ULK4: variants seen among roughly 807,000 people sequenced by gnomAD.
ULK4 encodes unc-51 like kinase 4.
In ULK4, 133 loss-of-function variants were observed where a neutral mutation model predicts 160.6. That is an observed-to-expected ratio of 0.83 (90% CI 0.72 to 0.96). ULK4 has a LOEUF of 0.96. Ranked by LOEUF, ULK4 falls within the 40% of genes least tolerant of loss-of-function variation. ULK4 has a pLI of 0.00. For missense variants in ULK4, 1,580 were observed against 1,499.5 expected, an observed-to-expected ratio of 1.05 and a Z score of -0.89; for synonymous variants, 534 against 539.8, an observed-to-expected ratio of 0.99 and a Z score of 0.15.
At chr3:41,828,018 C>T (rs2041429145) in intron 18 of ULK4, among the ~76,000 whole-genome samples, 1 of 151,948 alleles carries the variant, frequency 6.6e-6, no homozygotes, top group South Asian at 2.1e-4. Context: ...TCAACATAAT[C>T]CAGCATATAA....
intron 30 of ULK4, among the ~76,000 whole-genome samples, chr3:41,630,559 C>T (rs2033700610): frequency 6.6e-6 from 1 of 152,200 alleles, no homozygotes; most frequent in Non-Finnish European, 1.5e-5. Context: ...GTCAGGCCCA[C>T]CCAGATAATC....
At chr3:41,724,121 T>G (rs975720721) in intron 22 of ULK4, among the ~76,000 whole-genome samples, 2 of 152,256 alleles carry the variant, frequency 1.3e-5, no homozygotes, top group Non-Finnish European at 2.9e-5. Context: ...TTATCTGTTC[T>G]ACATTTATGT....
At chr3:41,692,324 T>C (rs2036333486) in intron 27 of ULK4, among the ~76,000 whole-genome samples, 1 of 152,052 alleles carries the variant, frequency 6.6e-6, no homozygotes, top group Non-Finnish European at 1.5e-5. Flanking sequence ...AGCAAACATG[T>C]TCTAAACCTT....
chr3:41,642,236 C>T (rs548421817), intron 30 of ULK4, among the ~76,000 whole-genome samples: 20 of 152,032 alleles, frequency 1.3e-4, no homozygotes, highest in South Asian at 1.0e-3. Flanking sequence ...ATGTGCACAA[C>T]GTGCAGGTTT....
rs7633178 is a variant in ULK4, at chr3:41,847,399, C to T, written c.1657-11428G>A. Among the ~76,000 whole-genome samples, 37 of 152,162 alleles carry T rather than the reference C, an allele frequency of 2.4e-4. No individual in the cohort carries two copies. The South Asian group carries it at 7.5e-3, about 31-fold the overall frequency. ...ATACAATTACAGTTACAAAAAGAAA[C>T]TGAATTAATCTCCTGACTCAGAAAA... On this transcript the variant is annotated intron_variant, in intron 17 of 36. Coordinates refer to ENST00000301831, the MANE Select transcript of ULK4 (RefSeq NM_017886.4).
chr3:41,688,619 T>C (rs7624877), intron 27 of ULK4, among the ~76,000 whole-genome samples: 24,227 of 147,082 alleles, frequency 0.16, 4,835 homozygotes, highest in African/African-American at 0.53. Context: ...CAAAACAAAA[T>C]CTGATTTGTT....
intron 11 of ULK4, 72 bp downstream of exon 11, chr3:41,911,245 C>T: frequency 2.7e-6 from 4 of 1,455,080 alleles, no homozygotes; most frequent in Non-Finnish European, 3.8e-6. Flanking sequence ...AAAGTTTGCA[C>T]CAAGATAGCA....
At chr3:41,904,416 T>G (rs1698480405) in intron 12 of ULK4, among the ~76,000 whole-genome samples, 2 of 151,864 alleles carry the variant, frequency 1.3e-5, no homozygotes, top group East Asian at 1.9e-4. Flanking sequence ...GTCACAGGAG[T>G]GAGGCTCTGT....
rs1223489944 is a variant in ULK4, at chr3:41,551,105, C to CAT, written c.3226+14919_3226+14920insAT. On this transcript the variant is annotated intron_variant, in intron 32 of 36. Transcript: ENST00000301831. ...GAAACAAATGATAATTGAAATACAA[C>CAT]ACACCAAAACATATGGGATACAACA... is the stretch of plus-strand genomic sequence containing the variant. Among the ~76,000 whole-genome samples, 400 of 151,774 alleles carry CAT rather than the reference C, an allele frequency of 2.6e-3. 1 individual carries two copies. The highest frequency in any genetic ancestry group is 8.8e-3 in the African/African-American group (363 of 41,474).
intron 21 of ULK4, among the ~76,000 whole-genome samples, chr3:41,770,418 T>C (rs1001927954): frequency 4.6e-5 from 7 of 152,284 alleles, no homozygotes; most frequent in Middle Eastern, 3.4e-3. Flanking sequence ...TTGTTACTCC[T>C]TCACATCCAT....
intron 22 of ULK4, among the ~76,000 whole-genome samples, chr3:41,720,163 T>G (rs2037401222): frequency 6.6e-6 from 1 of 152,284 alleles, no homozygotes; most frequent in South Asian, 2.1e-4. Flanking sequence ...GTCACCCCAG[T>G]AAACTTAAAA....
intron 35 of ULK4, among the ~76,000 whole-genome samples, chr3:41,272,401 T>TC (rs1048047149): frequency 4.2e-5 from 6 of 143,480 alleles, no homozygotes; most frequent in African/African-American, 1.0e-4. Flanking sequence ...GACAGTTTCT[T>TC]CCCCCCTCAC....
At chr3:41,357,735 G>A (rs932400141) in intron 35 of ULK4, among the ~76,000 whole-genome samples, 1 of 152,174 alleles carries the variant, frequency 6.6e-6, no homozygotes, top group Non-Finnish European at 1.5e-5. Context: ...ATCTGATGCT[G>A]TCCCCTCCCA....
At chr3:41,535,529 G>T (rs2086468258) in intron 32 of ULK4, among the ~76,000 whole-genome samples, 3 of 152,184 alleles carry the variant, frequency 2.0e-5, no homozygotes, top group Admixed American at 1.3e-4. Flanking sequence ...AATACTGTAT[G>T]AAATGCAATA....
At chr3:41,767,724 C>A (rs559392793) in intron 21 of ULK4, among the ~76,000 whole-genome samples, 16 of 152,118 alleles carry the variant, frequency 1.1e-4, no homozygotes, top group Non-Finnish European at 2.2e-4. Flanking sequence ...ACAGATAAAT[C>A]TTACATACAG....
chr3:41,629,355 A>T (rs2033657131), intron 30 of ULK4, among the ~76,000 whole-genome samples: 1 of 152,192 alleles, frequency 6.6e-6, no homozygotes, highest in African/African-American at 2.4e-5. Flanking sequence ...TGACTGGAGC[A>T]TCTATCTATA....
intron 27 of ULK4, among the ~76,000 whole-genome samples, chr3:41,701,008 G>A (rs7637363): frequency 0.13 from 20,015 of 150,534 alleles, 3,958 homozygotes; most frequent in African/African-American, 0.43. Context: ...GAAGACAGGG[G>A]AAAAAAAAGA....
chr3:41,626,447 C>G (rs565747144), intron 30 of ULK4, among the ~76,000 whole-genome samples: 1 of 151,104 alleles, frequency 6.6e-6, no homozygotes, highest in African/African-American at 2.4e-5. Context: ...GATTTTGTCA[C>G]GAAATGTGCT....
intron 35 of ULK4, among the ~76,000 whole-genome samples, chr3:41,291,290 T>G (rs1042783145): frequency 7.0e-6 from 1 of 141,980 alleles, no homozygotes; most frequent in Non-Finnish European, 1.5e-5. Flanking sequence ...AAGAGAGAGA[T>G]AAGTATAAGA....
Sources: gnomAD v4.1 joint callset for allele counts (sites outside exome capture counted in the v4.1 genomes callset) on GRCh38, gnomAD v4.1.1 for gene constraint, MANE v1.5 for transcripts, NCBI Gene and HGNC (gene_info 2026-07-23, HGNC 2026-07-21) for gene names.